PDE1C: variants seen among roughly 807,000 people sequenced by gnomAD.
PDE1C encodes the protein dual specificity calcium/calmodulin-dependent 3',5'-cyclic nucleotide phosphodiesterase 1C.
Under a neutral mutation model 93.1 loss-of-function variants are expected in PDE1C, and 62 were observed. The ratio of observed to expected loss-of-function variants is 0.67; its 90% CI spans 0.54 to 0.82. PDE1C has a LOEUF of 0.82. Ranked by LOEUF, PDE1C falls within the 40% of genes least tolerant of loss-of-function variation. The pLI, the probability that PDE1C is intolerant of heterozygous loss-of-function variation, is 0.00. For synonymous variants in PDE1C, 325 were observed against 310.1 expected (o/e 1.05, Z -0.50); for missense variants, 742 against 884.6 (o/e 0.84, Z 2.04).
chr7:31,697,052 AC>A, the PDE1C span: 1 of 1,614,164 alleles, frequency 6.2e-7, no homozygotes. Flanking sequence ...CATAACACTG[AC>A]CTGGAACAGA....
chr7:32,262,787 T>A (rs1030065112), intron 1 of PDE1C, among the ~76,000 whole-genome samples: 5 of 152,196 alleles, frequency 3.3e-5, no homozygotes, highest in African/African-American at 1.2e-4. Context: ...GGATAGTATT[T>A]TGGAATAAGA....
intron 1 of PDE1C, among the ~76,000 whole-genome samples, chr7:32,229,096 T>C (rs1807502421): frequency 6.6e-6 from 1 of 152,226 alleles, no homozygotes; most frequent in African/African-American, 2.4e-5. Flanking sequence ...GGAGAGGTGC[T>C]TTGGGCCCTG....
chr7:32,126,218 TAGA>T (rs1799571638), intron 3 of PDE1C, among the ~76,000 whole-genome samples: 1 of 151,150 alleles, frequency 6.6e-6, no homozygotes, highest in East Asian at 1.9e-4. Context: ...GATAGATAGA[TAGA>T]TAGATAGATA....
the PDE1C span, among the ~76,000 whole-genome samples, chr7:31,674,024 T>G: frequency 2.0e-5 from 3 of 152,198 alleles, no homozygotes; most frequent in African/African-American, 7.2e-5. Context: ...TTGTCTTAAA[T>G]GTACAGTAAA....
rs751959587 is a variant in PDE1C at position 32,202,958 on chromosome 7, G to A, written c.136+6531C>T. 2.0e-3 allele frequency among the ~76,000 whole-genome samples: 304 copies of A among 152,078 alleles called. 3 individuals are homozygous for A. Among genetic ancestry groups the A allele is most frequent in the Middle Eastern group, 6.8e-3 (2 of 294 alleles). ...CACATCTTATTCATCTTACATAATA[G>A]AAACTTTATACCCATGGAGCAACAA... On this transcript the variant is annotated intron_variant, in intron 2 of 18. Transcript: ENST00000396193.
At chr7:31,976,811 G>A (rs933590916) in intron 2 of PDE1C, among the ~76,000 whole-genome samples, 3 of 152,076 alleles carry the variant, frequency 2.0e-5, no homozygotes, top group Admixed American at 6.6e-5. Flanking sequence ...AAAAGCAAAC[G>A]CCATGGACCC....
At chr7:32,298,791 C>T in exon 1 of PDE1C, 1 of 1,538,696 alleles carries the variant, frequency 6.5e-7, no homozygotes, top group Non-Finnish European at 8.7e-7. Context: ...CTGCGGTCCC[C>T]CCCACGGCGG....
intron 1 of PDE1C, among the ~76,000 whole-genome samples, chr7:32,282,212 C>T (rs1430782805): frequency 2.0e-5 from 3 of 151,306 alleles, no homozygotes; most frequent in African/African-American, 7.3e-5. Flanking sequence ...TGTGGTGGCT[C>T]ACACCTGTAA....
chr7:32,409,428 C>T (rs1240687958), intron 1 of PDE1C, among the ~76,000 whole-genome samples: 1 of 152,018 alleles, frequency 6.6e-6, no homozygotes. Context: ...ATATCAATAT[C>T]AAAACCTGAT....
chr7:31,728,997 A>C, the PDE1C span, among the ~76,000 whole-genome samples: 7 of 152,204 alleles, frequency 4.6e-5, no homozygotes, highest in Non-Finnish European at 1.0e-4. Flanking sequence ...GAACTGGTTC[A>C]ATTTCTGGCT....
At chr7:31,974,123 ATTG>A (rs1445475634) in intron 2 of PDE1C, among the ~76,000 whole-genome samples, 4 of 152,028 alleles carry the variant, frequency 2.6e-5, no homozygotes, top group Admixed American at 2.6e-4. Context: ...GACATCTGTG[ATTG>A]TTTTTTTAAA....
At chr7:32,133,357 A>T (rs1043279935) in intron 3 of PDE1C, among the ~76,000 whole-genome samples, 1 of 152,200 alleles carries the variant, frequency 6.6e-6, no homozygotes, top group Non-Finnish European at 1.5e-5. Flanking sequence ...AAACTGGAGC[A>T]AGTCACCAGT....
At chr7:32,321,207 T>C (rs1194685330) in intron 1 of PDE1C, among the ~76,000 whole-genome samples, 1 of 152,242 alleles carries the variant, frequency 6.6e-6, no homozygotes, top group Non-Finnish European at 1.5e-5. Context: ...CCCTCATTTC[T>C]TTTGTGATAC....
At chr7:31,804,211 G>A (rs1389340811) in intron 16 of PDE1C, among the ~76,000 whole-genome samples, 1 of 151,822 alleles carries the variant, frequency 6.6e-6, no homozygotes, top group Non-Finnish European at 1.5e-5. Flanking sequence ...TTGCTTTTAA[G>A]ATTGTTAGAT....
At chr7:31,743,884 T>C in the PDE1C span, among the ~76,000 whole-genome samples, 1 of 152,128 alleles carries the variant, frequency 6.6e-6, no homozygotes, top group Admixed American at 6.5e-5. Context: ...ATTTCCATGA[T>C]TGTCATGAAC....
chr7:31,686,246 T>C, the PDE1C span, among the ~76,000 whole-genome samples: 1 of 152,204 alleles, frequency 6.6e-6, no homozygotes, highest in Non-Finnish European at 1.5e-5. Context: ...TCTCCCAGAC[T>C]GGCCTTCCTG....
intron 3 of PDE1C, among the ~76,000 whole-genome samples, chr7:32,135,596 T>A (rs1563342234): frequency 6.6e-6 from 1 of 152,272 alleles, no homozygotes; most frequent in East Asian, 1.9e-4. Flanking sequence ...GTGGCTATTA[T>A]CAAGAAGACA....
intron 7 of PDE1C, among the ~76,000 whole-genome samples, chr7:31,852,292 T>G (rs1163795423): frequency 1.3e-5 from 2 of 152,128 alleles, no homozygotes; most frequent in Non-Finnish European, 2.9e-5. Flanking sequence ...CCTAACAGAA[T>G]CCAGCATGAA....
At chr7:32,002,949 T>A (rs73316316) in intron 2 of PDE1C, among the ~76,000 whole-genome samples, 6,722 of 152,296 alleles carry the variant, frequency 0.044, 534 homozygotes, top group African/African-American at 0.16. Flanking sequence ...TTTCTTGATA[T>A]CCTTTTAGAT....
Sources: gnomAD v4.1 joint callset for allele counts (sites outside exome capture counted in the v4.1 genomes callset) on GRCh38, gnomAD v4.1.1 for gene constraint, MANE v1.5 for transcripts, NCBI Gene and HGNC (gene_info 2026-07-23, HGNC 2026-07-21) for gene names.